The following GALNTL6 variants were observed in gnomAD, a reference collection of about 807,000 sequenced individuals.
GALNTL6 encodes polypeptide N-acetylgalactosaminyltransferase-like 6.
Under a neutral mutation model 73.7 loss-of-function variants are expected in GALNTL6, and 46 were observed. That is an observed-to-expected ratio of 0.62 (90% CI 0.49 to 0.80). The LOEUF (loss-of-function observed/expected upper bound fraction) is 0.80. GALNTL6 is among the 30% of genes least tolerant of loss of function. GALNTL6 has a pLI of 0.00. For missense variants in GALNTL6, 604 were observed against 755.0 expected (o/e 0.80, Z 2.34); for synonymous variants, 259 against 263.7 (o/e 0.98, Z 0.17).
At chr4:172,360,824 A>G (rs905364014) in intron 5 of GALNTL6, among the ~76,000 whole-genome samples, 6 of 152,186 alleles carry the variant, frequency 3.9e-5, no homozygotes, top group African/African-American at 1.2e-4. Flanking sequence ...GCTACTTTCA[A>G]TTATGTTTTC....
At chr4:172,515,549 A>G (rs1471330698) in intron 5 of GALNTL6, among the ~76,000 whole-genome samples, 1 of 152,260 alleles carries the variant, frequency 6.6e-6, no homozygotes, top group Non-Finnish European at 1.5e-5. Flanking sequence ...CGTTCAATTT[A>G]ACAGGGAATG....
At chr4:172,998,835 C>G (rs1481328161) in intron 10 of GALNTL6, among the ~76,000 whole-genome samples, 1 of 152,068 alleles carries the variant, frequency 6.6e-6, no homozygotes, top group Non-Finnish European at 1.5e-5. Flanking sequence ...CTGGAGTTCC[C>G]CCCTCAATCT....
intron 2 of GALNTL6, among the ~76,000 whole-genome samples, chr4:172,206,370 C>G (rs1440012194): frequency 6.6e-6 from 1 of 152,126 alleles, no homozygotes; most frequent in African/African-American, 2.4e-5. Flanking sequence ...AGAACAGGTG[C>G]TCCCCAGATG....
At chr4:172,272,164 A>T (rs1192581118) in intron 3 of GALNTL6, among the ~76,000 whole-genome samples, 1 of 152,146 alleles carries the variant, frequency 6.6e-6, no homozygotes, top group African/African-American at 2.4e-5. Flanking sequence ...CATGTTGGCC[A>T]TGCTGCTTTC....
At chr4:171,971,891 A>ATG (rs141798630) in intron 2 of GALNTL6, among the ~76,000 whole-genome samples, 4 of 151,416 alleles carry the variant, frequency 2.6e-5, no homozygotes, top group South Asian at 2.1e-4. Context: ...TTGTGTGTGT[A>ATG]TGTGTGTGTG....
chr4:172,026,164 C>A (rs1741567605), intron 2 of GALNTL6, among the ~76,000 whole-genome samples: 1 of 151,882 alleles, frequency 6.6e-6, no homozygotes, highest in Non-Finnish European at 1.5e-5. Flanking sequence ...TAATATTATA[C>A]CAAAATTACC....
intron 5 of GALNTL6, among the ~76,000 whole-genome samples, chr4:172,475,485 A>G (rs1733198921): frequency 6.6e-6 from 1 of 152,098 alleles, no homozygotes; most frequent in Non-Finnish European, 1.5e-5. Flanking sequence ...AGTATTAGAC[A>G]TCCAAAAAGG....
chr4:172,784,650 G>A (rs1160817635), intron 5 of GALNTL6, among the ~76,000 whole-genome samples: 1 of 152,038 alleles, frequency 6.6e-6, no homozygotes, highest in Non-Finnish European at 1.5e-5. Context: ...TGAATGAAGG[G>A]AACTTATAAT....
In GALNTL6 at chr4:172,871,611, A is replaced by T. The variant is rs200419771; in HGVS notation, c.924-11179A>T. Among the ~76,000 whole-genome samples the T allele has an allele frequency of 6.0e-4, 83 of 137,598 alleles. 1 individual carries two copies. The highest frequency in any genetic ancestry group is 3.6e-3 in the Middle Eastern group (1 of 274). The allele number at this position is 137,598 out of a possible 152,430, so 90.3% of individuals were successfully genotyped here. A position where few individuals can be genotyped will look rare whatever the true frequency, so the allele number is the denominator to read the frequency against. ...TCTGGGGGGGGTGTGTGTGTGTGAG[A>T]GTGTGTGTGTGTGTGTGTGTGTGTG... On this transcript the variant is annotated intron_variant, in intron 7 of 12. Transcript: ENST00000506823.
At chr4:172,323,767 AG>A (rs1740840033) in intron 4 of GALNTL6, among the ~76,000 whole-genome samples, 1 of 152,134 alleles carries the variant, frequency 6.6e-6, no homozygotes, top group Non-Finnish European at 1.5e-5. Flanking sequence ...CAAGGCTTTT[AG>A]TAGACTAGTA....
intron 2 of GALNTL6, among the ~76,000 whole-genome samples, chr4:171,898,722 G>A (rs1736996550): frequency 6.6e-6 from 1 of 151,992 alleles, no homozygotes; most frequent in Non-Finnish European, 1.5e-5. Context: ...TATAAAAGGT[G>A]TTGTAGGTTG....
intron 2 of GALNTL6, among the ~76,000 whole-genome samples, chr4:172,108,857 C>T (rs570342254): frequency 5.9e-4 from 90 of 151,498 alleles, no homozygotes; most frequent in African/African-American, 1.8e-3. Context: ...ACTAAAAATA[C>T]AAAAAATTAG....
intron 5 of GALNTL6, among the ~76,000 whole-genome samples, chr4:172,369,801 G>T (rs963184950): frequency 1.3e-5 from 2 of 152,074 alleles, no homozygotes; most frequent in Admixed American, 6.5e-5. Flanking sequence ...CCTGGAACTC[G>T]CACTTGTGCA....
At chr4:172,149,595 C>G (rs1734016279) in intron 2 of GALNTL6, among the ~76,000 whole-genome samples, 1 of 152,126 alleles carries the variant, frequency 6.6e-6, no homozygotes, top group Non-Finnish European at 1.5e-5. Context: ...AAGCTGCTGC[C>G]ACCGCCGAGC....
intron 2 of GALNTL6, among the ~76,000 whole-genome samples, chr4:172,170,616 T>C (rs2110819539): frequency 6.6e-6 from 1 of 151,858 alleles, no homozygotes; most frequent in South Asian, 2.1e-4. Context: ...GAGTTCAAGT[T>C]ATTCTGGTGC....
intron 5 of GALNTL6, among the ~76,000 whole-genome samples, chr4:172,373,418 C>A (rs116605404): frequency 0.019 from 2,890 of 151,644 alleles, 84 homozygotes; most frequent in African/African-American, 0.065. Context: ...CTCCACTGAC[C>A]GTCGGTTTTT....
intron 3 of GALNTL6, among the ~76,000 whole-genome samples, chr4:172,288,977 A>G (rs954755066): frequency 6.6e-6 from 1 of 152,130 alleles, no homozygotes; most frequent in African/African-American, 2.4e-5. Context: ...TTTGCATGTG[A>G]CATTTAAAAA....
chr4:172,121,257 T>TTGTGTGTGTGTGTGTGTG (rs375731048), intron 2 of GALNTL6, among the ~76,000 whole-genome samples: 2 of 142,372 alleles, frequency 1.4e-5, no homozygotes, highest in South Asian at 2.4e-4. Context: ...TCAAGAAGCA[T>TTGTGTGTGTGTGTGTGTG]TGTGTGTGTG....
intron 2 of GALNTL6, among the ~76,000 whole-genome samples, chr4:172,076,004 T>A (rs1215793458): frequency 6.6e-6 from 1 of 152,160 alleles, no homozygotes; most frequent in Non-Finnish European, 1.5e-5. Context: ...TAATTAATTG[T>A]TTGGTCTCTT....
Sources: gnomAD v4.1 joint callset for allele counts (sites outside exome capture counted in the v4.1 genomes callset) on GRCh38, gnomAD v4.1.1 for gene constraint, MANE v1.5 for transcripts, NCBI Gene and HGNC (gene_info 2026-07-23, HGNC 2026-07-21) for gene names.